BORCS5: variants seen among roughly 807,000 people sequenced by gnomAD.
The protein encoded by BORCS5 is BLOC-1 related complex subunit 5, also known as BLOC-1-related complex subunit 5.
Under a neutral mutation model 22.1 loss-of-function variants are expected in BORCS5, and 17 were observed. The ratio of observed to expected loss-of-function variants is 0.77; its 90% CI spans 0.53 to 1.15. The LOEUF (loss-of-function observed/expected upper bound fraction) is 1.15, where lower values mean the gene tolerates loss of function less well. Among genes scored for constraint, BORCS5 ranks in the 50% most tolerant of loss-of-function variants. BORCS5 has a pLI of 0.00. For synonymous variants in BORCS5, 117 were observed against 99.8 expected, an observed-to-expected ratio of 1.17 and a Z score of -1.03; for missense variants, 247 against 253.2, an observed-to-expected ratio of 0.98 and a Z score of 0.17.
At chr12:12,367,626 C>T (rs892657487) in intron 2 of BORCS5, among the ~76,000 whole-genome samples, 16 of 152,192 alleles carry the variant, frequency 1.1e-4, no homozygotes, top group East Asian at 7.7e-4. Context: ...TAGCCTTACT[C>T]AGAAGAGTGG....
At chr12:12,435,255 G>T (rs888182010) in intron 2 of BORCS5, among the ~76,000 whole-genome samples, 1 of 152,058 alleles carries the variant, frequency 6.6e-6, no homozygotes, top group Non-Finnish European at 1.5e-5. Flanking sequence ...TATATTCCTA[G>T]TACCTTGAAG....
At chr12:12,407,920 G>A (rs1478224566) in intron 2 of BORCS5, among the ~76,000 whole-genome samples, 1 of 151,934 alleles carries the variant, frequency 6.6e-6, no homozygotes, top group Non-Finnish European at 1.5e-5. Flanking sequence ...ATGTTGCCCA[G>A]GCTGGTCTCA....
At chr12:12,406,986 C>T (rs1286956881) in intron 2 of BORCS5, among the ~76,000 whole-genome samples, 2 of 152,148 alleles carry the variant, frequency 1.3e-5, no homozygotes, top group Non-Finnish European at 2.9e-5. Flanking sequence ...GTGTGGGGGG[C>T]ACCCAAGTGG....
intron 2 of BORCS5, among the ~76,000 whole-genome samples, chr12:12,391,866 TAAAAA>T (rs751674760): frequency 1.6e-5 from 1 of 64,342 alleles, no homozygotes; most frequent in African/African-American, 6.2e-5. Context: ...ACCCCGTCAC[TAAAAA>T]AAAAAAAAAA....
At chr12:12,376,228 C>G (rs1210516265) in intron 2 of BORCS5, among the ~76,000 whole-genome samples, 2 of 150,064 alleles carry the variant, frequency 1.3e-5, no homozygotes, top group Non-Finnish European at 3.0e-5. Flanking sequence ...TTGCTTTGCT[C>G]TTCAGTCTTT....
intron 2 of BORCS5, among the ~76,000 whole-genome samples, chr12:12,362,537 A>G (rs1333603241): frequency 2.0e-5 from 3 of 150,758 alleles, no homozygotes; most frequent in Admixed American, 1.3e-4. Context: ...CACATTAGGT[A>G]TATCTCCTAA....
Position 12,469,877 on chromosome 12 carries a change from C to T in BORCS5, c.*4101C>T, listed in dbSNP as rs1398903377. On this transcript the variant is annotated 3_prime_UTR_variant, in exon 4 of 4. Transcript: ENST00000314565. The stretch of plus-strand genomic sequence containing the variant: ...ACGAGAGTAGTTTTGCTTTTCTTTC[C>T]CTGACCTTTCGCTTCATTCCTTTGT... 6.6e-6 allele frequency among the ~76,000 whole-genome samples: 1 copy of T among 152,064 alleles called. No homozygotes were observed. The highest frequency in any genetic ancestry group is 1.5e-5 in the Non-Finnish European group (1 of 68,008).
At chr12:12,397,954 T>C (rs1011531419) in intron 2 of BORCS5, among the ~76,000 whole-genome samples, 2 of 152,216 alleles carry the variant, frequency 1.3e-5, no homozygotes, top group South Asian at 4.1e-4. Context: ...CAGAGAGAGC[T>C]TTTTCAGGGA....
At chr12:12,385,909 G>C (rs1345812137) in intron 2 of BORCS5, among the ~76,000 whole-genome samples, 1 of 151,302 alleles carries the variant, frequency 6.6e-6, no homozygotes. Flanking sequence ...TGAATGGTAT[G>C]AATTATGTTC....
chr12:12,410,034 A>G (rs1325592432), intron 2 of BORCS5, among the ~76,000 whole-genome samples: 2 of 152,078 alleles, frequency 1.3e-5, no homozygotes, highest in African/African-American at 2.4e-5. Flanking sequence ...TCTTCTTTTG[A>G]GAAGTGTCTG....
Position 12,357,148 on chromosome 12 carries a change from G to C in BORCS5, c.-304G>C. 6.5e-7 allele frequency: 1 copy of C among 1,532,976 alleles called. No individual in the cohort carries two copies. The highest frequency in any genetic ancestry group is 8.7e-7 in the Non-Finnish European group (1 of 1,145,614). 95.0% of individuals were successfully genotyped at this position (1,532,976 alleles called of 1,614,324 possible). On this transcript the variant is annotated 5_prime_UTR_variant, in exon 1 of 4. Coordinates refer to ENST00000314565, the MANE Select transcript of BORCS5 (RefSeq NM_058169.6). ...GTGAAAGCGGCGCCGCCCGCCGGCC[G>C]CAGGTGCGGCAAAGCCAGTGTCATC...
rs1476786940 is a variant in BORCS5 at position 12,469,411 on chromosome 12, T to C, written c.*3635T>C. On this transcript the variant is annotated 3_prime_UTR_variant, in exon 4 of 4. Transcript: ENST00000314565. ...TTTTGAGTAAAAAAGTTTGATTTTATGTATGTGTGCGTCTGTATATATGTT... is the reference window on the plus strand; with the variant it reads ...TTTTGAGTAAAAAAGTTTGATTTTACGTATGTGTGCGTCTGTATATATGTT... 6.6e-6 allele frequency: 1 copy of C among 152,260 alleles called. No homozygotes were observed. Among genetic ancestry groups the C allele is most frequent in the Admixed American group, 6.5e-5 (1 of 15,290 alleles). The allele number at this position is 152,260 out of a possible 1,614,324, so 9.4% of individuals were successfully genotyped here.
At chr12:12,375,169 G>A (rs1361697670) in intron 2 of BORCS5, among the ~76,000 whole-genome samples, 2 of 152,002 alleles carry the variant, frequency 1.3e-5, no homozygotes, top group Non-Finnish European at 2.9e-5. Context: ...CTGCCACCAT[G>A]CCCGGCTAAT....
At chr12:12,446,230 G>T (rs1942786611) in intron 3 of BORCS5, among the ~76,000 whole-genome samples, 1 of 151,720 alleles carries the variant, frequency 6.6e-6, no homozygotes, top group Non-Finnish European at 1.5e-5. Context: ...AAATAAGATA[G>T]ATGGCATGTA....
intron 3 of BORCS5, among the ~76,000 whole-genome samples, chr12:12,456,582 G>T (rs1003340558): frequency 6.6e-6 from 1 of 152,040 alleles, no homozygotes; most frequent in African/African-American, 2.4e-5. Flanking sequence ...TAAAGCTTTT[G>T]GTTTTGCTTT....
At position 12,470,676 on chromosome 12, in the gene BORCS5, G is replaced by GGT. The variant is rs113802317; in HGVS notation, c.*4900_*4901insGT. On this transcript the variant is annotated 3_prime_UTR_variant, in exon 4 of 4. Coordinates refer to ENST00000314565, the MANE Select transcript of BORCS5 (RefSeq NM_058169.6). Reference sequence around the variant, plus strand: ...ATAAATAACATTGAATTTCATGTGGGTTTTTTTTTTTTGACACACCAGGCA... The same window carrying GGT: ...ATAAATAACATTGAATTTCATGTGGGGTTTTTTTTTTTTTGACACACCAGGCA... Among the ~76,000 whole-genome samples, 496 of 146,512 alleles carry GGT rather than the reference G, an allele frequency of 3.4e-3. 4 individuals are homozygous for GGT. The highest frequency in any genetic ancestry group is 0.011 in the African/African-American group (455 of 39,920).
At position 12,413,768 on chromosome 12, in the gene BORCS5, T is replaced by G. The variant is rs1941814355; in HGVS notation, c.203-21860T>G. On this transcript the variant is annotated intron_variant, in intron 2 of 3. Coordinates refer to ENST00000314565, the MANE Select transcript of BORCS5 (RefSeq NM_058169.6). ...TGGCCAGGCAGAGGGGCTCCTCACT[T>G]CCCAGTAGGGGCGGCCGGGCAGAGG... 5.5e-5 allele frequency among the ~76,000 whole-genome samples: 4 copies of G among 72,370 alleles called. 1 individual carries two copies. The highest frequency in any genetic ancestry group is 3.5e-4 in the South Asian group (1 of 2,856). The allele number at this position is 72,370 out of a possible 152,430, so 47.5% of individuals were successfully genotyped here.
At chr12:12,422,291 T>A (rs1409875747) in intron 2 of BORCS5, among the ~76,000 whole-genome samples, 3 of 152,112 alleles carry the variant, frequency 2.0e-5, no homozygotes, top group Non-Finnish European at 4.4e-5. Flanking sequence ...TCTTTTATTT[T>A]TTTTTTTAAG....
rs143860354 is a variant in BORCS5 at position 12,405,015 on chromosome 12, T to A, written c.203-30613T>A. Among the ~76,000 whole-genome samples the A allele has an allele frequency of 3.6e-3, 546 of 152,326 alleles. 1 individual carries two copies. Among genetic ancestry groups the A allele is most frequent in the African/African-American group, 0.011 (453 of 41,572 alleles). ...CGCGCCCGGCCAGAGAACTACTTTG[T>A]GTAAGTCTACGAGGCACCATACACA... On this transcript the variant is annotated intron_variant, in intron 2 of 3. Coordinates refer to ENST00000314565, the MANE Select transcript of BORCS5 (RefSeq NM_058169.6).
Sources: gnomAD v4.1 joint callset for allele counts (sites outside exome capture counted in the v4.1 genomes callset) on GRCh38, gnomAD v4.1.1 for gene constraint, MANE v1.5 for transcripts, NCBI Gene and HGNC (gene_info 2026-07-23, HGNC 2026-07-21) for gene names.